The following SLC14A2 variants were observed in gnomAD, a reference collection of about 807,000 sequenced individuals.
SLC14A2 encodes solute carrier family 14 member 2.
In SLC14A2, 91 loss-of-function variants were observed where a neutral mutation model predicts 104.6. That is an observed-to-expected ratio of 0.87 (90% CI 0.73 to 1.04). The LOEUF is 1.04. Ranked by LOEUF, SLC14A2 falls within the 50% of genes least tolerant of loss-of-function variation. The pLI is 0.00. For missense variants in SLC14A2, 1,189 were observed against 1,156.0 expected (o/e 1.03, Z -0.41); for synonymous variants, 476 against 466.4 (o/e 1.02, Z -0.27).
chr18:45,431,042 G>C (rs991839483), intron 1 of SLC14A2, among the ~76,000 whole-genome samples: 1 of 152,138 alleles, frequency 6.6e-6, no homozygotes, highest in Non-Finnish European at 1.5e-5. Flanking sequence ...AGAAGTATTG[G>C]ATCTTATATA....
intron 2 of SLC14A2, among the ~76,000 whole-genome samples, chr18:45,557,225 G>A (rs1483526326): frequency 6.6e-6 from 1 of 152,180 alleles, no homozygotes; most frequent in Non-Finnish European, 1.5e-5. Context: ...CTGCAGCTTT[G>A]TAACCTGCTT....
At chr18:45,563,064 AG>A (rs1198319540) in intron 2 of SLC14A2, among the ~76,000 whole-genome samples, 2 of 152,238 alleles carry the variant, frequency 1.3e-5, no homozygotes, top group African/African-American at 4.8e-5. Context: ...AAGGAAACGC[AG>A]GGGGGCTGGC....
At chr18:45,588,982 G>T (rs2044609858) in intron 2 of SLC14A2, among the ~76,000 whole-genome samples, 1 of 151,128 alleles carries the variant, frequency 6.6e-6, no homozygotes, top group Non-Finnish European at 1.5e-5. Flanking sequence ...GGTGGGGGGG[G>T]GTGTTAAATG....
chr18:45,182,856 A>AATTT, the SLC14A2 span, among the ~76,000 whole-genome samples: 1 of 152,182 alleles, frequency 6.6e-6, no homozygotes, highest in African/African-American at 2.4e-5. Flanking sequence ...TTCTGATTGT[A>AATTT]ATTTATAGGT....
At chr18:45,660,451 T>C (rs1023878480) in intron 10 of SLC14A2, among the ~76,000 whole-genome samples, 1 of 152,236 alleles carries the variant, frequency 6.6e-6, no homozygotes, top group Admixed American at 6.5e-5. Context: ...GTTCACACAT[T>C]TGAACACTGC....
intron 1 of SLC14A2, among the ~76,000 whole-genome samples, chr18:45,476,226 C>G (rs1291581080): frequency 2.0e-5 from 3 of 152,108 alleles, no homozygotes; most frequent in Non-Finnish European, 4.4e-5. Context: ...TTTTATTTCT[C>G]CTTCTCTTAT....
chr18:45,180,795 T>C, the SLC14A2 span, among the ~76,000 whole-genome samples: 1 of 152,302 alleles, frequency 6.6e-6, no homozygotes, highest in East Asian at 1.9e-4. Context: ...GAACATGATA[T>C]AATCCTTTCA....
intron 1 of SLC14A2, among the ~76,000 whole-genome samples, chr18:45,449,364 T>C (rs531746692): frequency 6.6e-6 from 1 of 152,344 alleles, no homozygotes; most frequent in East Asian, 1.9e-4. Context: ...ACCTCCTCTC[T>C]GAAGCCTTCT....
upstream of SLC14A2, among the ~76,000 whole-genome samples, chr18:45,211,446 T>C (rs544893037): frequency 6.6e-4 from 100 of 152,320 alleles, no homozygotes; most frequent in Non-Finnish European, 1.3e-3. Context: ...AAATTCCACA[T>C]TGTTTCAGAT....
intron 1 of SLC14A2, among the ~76,000 whole-genome samples, chr18:45,404,913 T>G (rs1213096586): frequency 6.6e-6 from 1 of 152,152 alleles, no homozygotes; most frequent in Non-Finnish European, 1.5e-5. Flanking sequence ...TTGCAGTGTT[T>G]GAGGGTGAAG....
chr18:45,215,429 A>T (rs539310507), intron 1 of SLC14A2, among the ~76,000 whole-genome samples: 11 of 152,336 alleles, frequency 7.2e-5, no homozygotes, highest in Admixed American at 2.6e-4. Context: ...AGTCAGAAAA[A>T]AAAAGAAATG....
At chr18:45,405,753 G>C (rs1345422234) in intron 1 of SLC14A2, among the ~76,000 whole-genome samples, 1 of 152,030 alleles carries the variant, frequency 6.6e-6, no homozygotes, top group Non-Finnish European at 1.5e-5. Flanking sequence ...AAAAAAATTA[G>C]CTGGGCATTG....
At chr18:45,346,614 A>T (rs1298752112) in intron 1 of SLC14A2, among the ~76,000 whole-genome samples, 2 of 152,208 alleles carry the variant, frequency 1.3e-5, no homozygotes, top group African/African-American at 2.4e-5. Flanking sequence ...GAAATTTAAT[A>T]TAAATTTATC....
chr18:45,361,445 G>C (rs1296560871), intron 1 of SLC14A2, among the ~76,000 whole-genome samples: 1 of 152,156 alleles, frequency 6.6e-6, no homozygotes, highest in Non-Finnish European at 1.5e-5. Flanking sequence ...CAACCAGACA[G>C]TCTCACACAT....
chr18:45,542,720 T>TGAAACTGGGAGAGTCTATA (rs1211258168), intron 2 of SLC14A2, among the ~76,000 whole-genome samples: 2 of 152,084 alleles, frequency 1.3e-5, no homozygotes, highest in Non-Finnish European at 2.9e-5. Context: ...ATGAAGCATC[T>TGAAACTGGGAGAGTCTATA]GAAACTGGGA....
chr18:45,567,427 C>T (rs551374973), intron 2 of SLC14A2, among the ~76,000 whole-genome samples: 1 of 152,204 alleles, frequency 6.6e-6, no homozygotes, highest in Non-Finnish European at 1.5e-5. Context: ...GCTGGCTGGA[C>T]AGCCCAGATC....
chr18:45,338,700 A>AAAAAC (rs2085362448), intron 1 of SLC14A2, among the ~76,000 whole-genome samples: 5 of 134,796 alleles, frequency 3.7e-5, no homozygotes, highest in Non-Finnish European at 8.4e-5. Context: ...AAAAAAAAAA[A>AAAAAC]AAAAAAAAAA....
chr18:45,364,086 C>G (rs1239061993), intron 1 of SLC14A2, among the ~76,000 whole-genome samples: 2 of 152,160 alleles, frequency 1.3e-5, no homozygotes, highest in Non-Finnish European at 2.9e-5. Flanking sequence ...ACCTGAGCCC[C>G]CTCCCATCCC....
intron 1 of SLC14A2, among the ~76,000 whole-genome samples, chr18:45,410,737 A>G (rs2144489610): frequency 6.6e-6 from 1 of 152,306 alleles, no homozygotes; most frequent in East Asian, 1.9e-4. Context: ...ACATGTGCAG[A>G]GTGGTGAAAA....
Sources: allele counts gnomAD v4.1 joint callset (sites outside exome capture counted in the v4.1 genomes callset), GRCh38; gene constraint gnomAD v4.1.1; transcripts MANE v1.5; gene names NCBI Gene and HGNC (gene_info 2026-07-23, HGNC 2026-07-21).